The following DLG2 variants were observed in gnomAD, a reference collection of about 807,000 sequenced individuals.
The protein encoded by DLG2 is discs large MAGUK scaffold protein 2, also known as disks large homolog 2.
A neutral mutation model predicts 132.5 loss-of-function variants in DLG2; 45 were observed. That is an observed-to-expected ratio of 0.34 (90% CI 0.27 to 0.44). The LOEUF (loss-of-function observed/expected upper bound fraction) is 0.44, where lower values mean the gene tolerates loss of function less well. Among genes scored for constraint, DLG2 ranks in the 20% least tolerant of loss-of-function variants. DLG2 has a pLI of 1.00. For synonymous variants in DLG2, 424 were observed against 419.6 expected (o/e 1.01, Z -0.13); for missense variants, 1,045 against 1,196.9 (o/e 0.87, Z 1.87).
chr11:84,045,162 A>C (rs1195786902), intron 11 of DLG2, among the ~76,000 whole-genome samples: 1 of 151,730 alleles, frequency 6.6e-6, no homozygotes, highest in Admixed American at 6.6e-5. Context: ...TTTTATGTTT[A>C]TCTTTCCATT....
intron 12 of DLG2, among the ~76,000 whole-genome samples, chr11:83,977,539 T>C (rs2514147): frequency 0.18 from 26,751 of 151,978 alleles, 2,923 homozygotes; most frequent in East Asian, 0.31. Context: ...GTAGTTTTGT[T>C]TTAGGCAGGA....
intron 18 of DLG2, among the ~76,000 whole-genome samples, chr11:83,683,689 G>GT (rs2079205096): frequency 6.6e-6 from 1 of 152,076 alleles, no homozygotes; most frequent in Non-Finnish European, 1.5e-5. Context: ...TTTATAGTAT[G>GT]TACCCCCAAA....
At chr11:85,269,363 A>C (rs1429157807) in intron 4 of DLG2, among the ~76,000 whole-genome samples, 1 of 152,172 alleles carries the variant, frequency 6.6e-6, no homozygotes, top group African/African-American at 2.4e-5. Flanking sequence ...TCCAGATTAG[A>C]TCAAATTAAA....
intron 7 of DLG2, among the ~76,000 whole-genome samples, chr11:84,347,502 A>T (rs1420600898): frequency 2.0e-5 from 3 of 152,176 alleles, no homozygotes; most frequent in Non-Finnish European, 4.4e-5. Flanking sequence ...GGAAAAGCAG[A>T]ATGTTTTTGA....
intron 6 of DLG2, among the ~76,000 whole-genome samples, chr11:84,862,817 C>CG (rs71036447): frequency 0.29 from 13,042 of 45,482 alleles, 2,520 homozygotes; most frequent in Non-Finnish European, 0.34. Flanking sequence ...CAGGTCCTGT[C>CG]GGGGGGGGGG....
intron 6 of DLG2, among the ~76,000 whole-genome samples, chr11:85,060,699 C>T (rs961519956): frequency 4.0e-5 from 6 of 151,536 alleles, no homozygotes; most frequent in Admixed American, 1.3e-4. Context: ...AATACACAGA[C>T]GTGAGATTGG....
chr11:84,259,840 T>C (rs919190544), intron 7 of DLG2, among the ~76,000 whole-genome samples: 1 of 152,152 alleles, frequency 6.6e-6, no homozygotes, highest in Non-Finnish European at 1.5e-5. Flanking sequence ...CAGCTGGTAA[T>C]AGCAGGACCA....
At chr11:84,733,785 T>A (rs1178433823) in intron 6 of DLG2, among the ~76,000 whole-genome samples, 1 of 152,190 alleles carries the variant, frequency 6.6e-6, no homozygotes, top group Non-Finnish European at 1.5e-5. Context: ...AACACTTAAG[T>A]CTTTAATCCA....
chr11:85,049,508 T>C (rs768572524), intron 6 of DLG2, among the ~76,000 whole-genome samples: 21 of 152,104 alleles, frequency 1.4e-4, no homozygotes, highest in African/African-American at 4.8e-4. Flanking sequence ...CTGTACACTG[T>C]AGGATGTTTA....
At chr11:84,657,004 GA>G (rs2099689113) in intron 6 of DLG2, among the ~76,000 whole-genome samples, 1 of 152,016 alleles carries the variant, frequency 6.6e-6, no homozygotes, top group East Asian at 1.9e-4. Context: ...CCTTAACAAC[GA>G]TTCTTTAAGT....
chr11:83,516,916 C>G (rs547418873), intron 21 of DLG2, among the ~76,000 whole-genome samples: 1 of 131,122 alleles, frequency 7.6e-6, no homozygotes, highest in African/African-American at 2.8e-5. Flanking sequence ...ATGGGCTTCC[C>G]TTTTGGGTAA....
At chr11:83,757,342 G>T (rs2093690991) in intron 18 of DLG2, among the ~76,000 whole-genome samples, 1 of 152,176 alleles carries the variant, frequency 6.6e-6, no homozygotes, top group South Asian at 2.1e-4. Flanking sequence ...TTTAAATTGG[G>T]TTCTACTGAG....
chr11:85,425,947 T>A (rs1365270273), intron 3 of DLG2, among the ~76,000 whole-genome samples: 1 of 152,202 alleles, frequency 6.6e-6, no homozygotes, highest in Non-Finnish European at 1.5e-5. Context: ...CCTAATACTG[T>A]GCTTTTCCAA....
chr11:84,489,254 C>T (rs2099158490), intron 7 of DLG2, among the ~76,000 whole-genome samples: 1 of 152,080 alleles, frequency 6.6e-6, no homozygotes. Flanking sequence ...TTAGTCTCAG[C>T]ACTGATTATT....
At position 84,733,996 on chromosome 11, in the gene DLG2, T is replaced by C. The variant is rs180686397; in HGVS notation, c.358-199265A>G. ...GGCTCTGTTCTGTTCCATTGGCCTATATCTCTGTTTTGGTACCAGTACCAT... is the reference window on the plus strand; with the variant it reads ...GGCTCTGTTCTGTTCCATTGGCCTACATCTCTGTTTTGGTACCAGTACCAT... On this transcript the variant is annotated intron_variant, in intron 6 of 27. Transcript: ENST00000376104. Among the ~76,000 whole-genome samples, 1,483 of 152,264 alleles carry C rather than the reference T, an allele frequency of 9.7e-3. 23 individuals are homozygous for C. The highest frequency in any genetic ancestry group is 0.034 in the African/African-American group (1,415 of 41,540).
intron 19 of DLG2, among the ~76,000 whole-genome samples, chr11:83,545,833 C>T (rs2096226324): frequency 6.6e-6 from 1 of 152,114 alleles, no homozygotes; most frequent in African/African-American, 2.4e-5. Context: ...AACCAAGCAG[C>T]TGACACATTT....
intron 6 of DLG2, among the ~76,000 whole-genome samples, chr11:84,971,077 G>T (rs1017708828): frequency 6.6e-6 from 1 of 152,180 alleles, no homozygotes; most frequent in African/African-American, 2.4e-5. Context: ...CCTGAAAGAT[G>T]AACTGATGAT....
chr11:84,900,609 T>C (rs2090764820), intron 6 of DLG2, among the ~76,000 whole-genome samples: 1 of 152,060 alleles, frequency 6.6e-6, no homozygotes, highest in Non-Finnish European at 1.5e-5. Flanking sequence ...GATATCACTG[T>C]ATACATGCAG....
rs185706098 is a variant in DLG2 at position 85,223,787 on chromosome 11, T to C, written c.186+61433A>G. Reference sequence around the variant, plus strand: ...GTAATACCAAGTTTGGATGTTTGGATTAGGGTAAGGGTGAGAATTAAGAGG... The same window carrying C: ...GTAATACCAAGTTTGGATGTTTGGACTAGGGTAAGGGTGAGAATTAAGAGG... On this transcript the variant is annotated intron_variant, in intron 4 of 27. Coordinates refer to ENST00000376104, the MANE Select transcript of DLG2 (RefSeq NM_001142699.3). Among the ~76,000 whole-genome samples the C allele has an allele frequency of 2.2e-3, 337 of 152,228 alleles. 1 individual carries two copies. Among genetic ancestry groups the C allele is most frequent in the African/African-American group, 7.8e-3 (326 of 41,540 alleles).
Sources: allele counts gnomAD v4.1 joint callset (sites outside exome capture counted in the v4.1 genomes callset), GRCh38; gene constraint gnomAD v4.1.1; transcripts MANE v1.5; gene names NCBI Gene and HGNC (gene_info 2026-07-23, HGNC 2026-07-21).